Variants in HIVEP3 observed in about 807,000 individuals in gnomAD.
HIVEP3 encodes the protein transcription factor HIVEP3.
In HIVEP3, 49 loss-of-function variants were observed where a neutral mutation model predicts 152.8. The ratio of observed to expected loss-of-function variants is 0.32; its 90% confidence interval spans 0.26 to 0.41. HIVEP3 has a LOEUF of 0.41. Ranked by LOEUF, HIVEP3 falls within the 10% of genes least tolerant of loss-of-function variation. The probability of loss-of-function intolerance (pLI) is 1.00; values close to 1 mark genes in which losing one functional copy is unlikely to be tolerated. For synonymous variants in HIVEP3, 1,269 were observed against 1,289.0 expected (o/e 0.98, Z 0.33); for missense variants, 2,790 against 3,103.3 (o/e 0.90, Z 2.40).
chr1:41,568,791 C>T (rs116172070), intron 5 of HIVEP3, among the ~76,000 whole-genome samples: 48 of 152,312 alleles, frequency 3.2e-4, no homozygotes, highest in African/African-American at 9.9e-4. Flanking sequence ...GTGACTTTGC[C>T]GCTCTCCTTC....
chr1:41,765,743 T>C (rs1369832138), intron 1 of HIVEP3, among the ~76,000 whole-genome samples: 2 of 152,164 alleles, frequency 1.3e-5, no homozygotes, highest in Admixed American at 1.3e-4. Flanking sequence ...TGGCATACAG[T>C]AGGTGCTCAA....
chr1:41,984,533 A>G (rs1645311113), intron 1 of HIVEP3, among the ~76,000 whole-genome samples: 1 of 152,252 alleles, frequency 6.6e-6, no homozygotes, highest in Admixed American at 6.5e-5. Context: ...TGCACATTTC[A>G]GAAAGCAAAG....
At position 41,509,087 on chromosome 1, in the gene HIVEP3, G is replaced by A. The variant is rs1466188901; in HGVS notation, c.*1364C>T. The A allele has an allele frequency of 6.6e-6, 1 of 152,234 alleles. No homozygotes were observed. The highest frequency in any genetic ancestry group is 2.4e-5 in the African/African-American group (1 of 41,452). The allele number at this position is 152,234 out of a possible 1,614,324, so 9.4% of individuals were successfully genotyped here. On this transcript the variant is annotated 3_prime_UTR_variant, in exon 9 of 9. Coordinates refer to ENST00000372583, the MANE Select transcript of HIVEP3 (RefSeq NM_024503.5). ...TGCAGGGCAGCTTCTTGAAAGTAGA[G>A]ATGTGGGTAAGGAAGAGGCACTGGC...
At chr1:41,701,680 C>T (rs1456756694) in intron 1 of HIVEP3, among the ~76,000 whole-genome samples, 1 of 152,204 alleles carries the variant, frequency 6.6e-6, no homozygotes, top group East Asian at 1.9e-4. Context: ...TACCTATTAT[C>T]TTCTCATTGA....
At chr1:41,595,225 A>G (rs35133658) in intron 3 of HIVEP3, among the ~76,000 whole-genome samples, 1 of 152,182 alleles carries the variant, frequency 6.6e-6, no homozygotes. Context: ...GCCTTCTCCC[A>G]GTCCACCCCA....
At chr1:41,632,014 A>G (rs1031944319) in intron 2 of HIVEP3, among the ~76,000 whole-genome samples, 1 of 152,162 alleles carries the variant, frequency 6.6e-6, no homozygotes, top group Non-Finnish European at 1.5e-5. Context: ...CAGGAGGTTC[A>G]GCTAGCTCCC....
intron 1 of HIVEP3, chr1:41,847,773 T>C (rs1404028759): frequency 6.6e-6 from 1 of 152,412 alleles, no homozygotes; most frequent in Non-Finnish European, 1.5e-5. Context: ...CACACAAAGA[T>C]GTCAGTGCCA....
chr1:41,958,473 C>T (rs575111636), intron 1 of HIVEP3, among the ~76,000 whole-genome samples: 36 of 152,312 alleles, frequency 2.4e-4, no homozygotes, highest in Admixed American at 2.1e-3. Context: ...TCCAGCAAGT[C>T]ATAAGGTCAA....
intron 1 of HIVEP3, among the ~76,000 whole-genome samples, chr1:41,872,195 G>A (rs1264106587): frequency 6.6e-6 from 1 of 152,184 alleles, no homozygotes; most frequent in Non-Finnish European, 1.5e-5. Context: ...ATCACAGCAG[G>A]TTCACAAAGA....
intron 1 of HIVEP3, among the ~76,000 whole-genome samples, chr1:41,851,942 T>C (rs1039954825): frequency 1.3e-5 from 2 of 152,202 alleles, no homozygotes; most frequent in African/African-American, 4.8e-5. Context: ...CAAAAAGTCA[T>C]GTAAATCTCT....
intron 1 of HIVEP3, among the ~76,000 whole-genome samples, chr1:41,733,121 T>A (rs915028527): frequency 6.6e-6 from 1 of 151,846 alleles, no homozygotes; most frequent in African/African-American, 2.4e-5. Context: ...TGGTCCCTGA[T>A]AATCCAGGTC....
In HIVEP3 at chr1:41,511,314, C is replaced by T. The variant is rs1213572138; in HGVS notation, c.6406-48G>A. 6.8e-7 allele frequency: 1 copy of T among 1,468,320 alleles called. No individual in the cohort carries two copies. The highest frequency in any genetic ancestry group is 9.2e-7 in the Non-Finnish European group (1 of 1,092,030). The allele number at this position is 1,468,320 out of a possible 1,614,324, so 91.0% of individuals were successfully genotyped here. On this transcript the variant is annotated intron_variant, in intron 8 of 8. Transcript: ENST00000372583. The surrounding 1 kb of genome is among the most constrained non-coding windows in gnomAD (Gnocchi z 4.9). ...GGTAAGGTGAAGGTTACATGCTGGG[C>T]ACATGGGGAGCCGAGGCCTGGAAGT...
intron 1 of HIVEP3, among the ~76,000 whole-genome samples, chr1:41,993,218 C>T (rs1570875942): frequency 6.6e-6 from 1 of 151,470 alleles, no homozygotes. Context: ...AGGCAACCTA[C>T]AAAATGGGAG....
At chr1:41,730,595 C>T (rs1054099388) in intron 1 of HIVEP3, among the ~76,000 whole-genome samples, 13 of 152,270 alleles carry the variant, frequency 8.5e-5, no homozygotes, top group Non-Finnish European at 1.6e-4. Context: ...GCAACTAATG[C>T]ACCAGGGGCG....
chr1:41,867,915 G>C (rs965589037), intron 1 of HIVEP3, among the ~76,000 whole-genome samples: 2 of 151,148 alleles, frequency 1.3e-5, no homozygotes, highest in African/African-American at 4.9e-5. Flanking sequence ...TCCCTGCTTC[G>C]ATCTCTGCCC....
At chr1:41,757,650 G>A (rs546894435) in intron 1 of HIVEP3, among the ~76,000 whole-genome samples, 2 of 151,944 alleles carry the variant, frequency 1.3e-5, no homozygotes, top group South Asian at 4.2e-4. Context: ...GGTTGATTTG[G>A]TTGATTAATT....
Position 41,664,492 on chromosome 1 carries a change from A to C in HIVEP3, c.-720-35545T>G, listed in dbSNP as rs1055524428. ...AACTCAATAGTTCCTGCCTCTACAG[A>C]CTTGCCCATCACCTCACATTGAAGT... On this transcript the variant is annotated intron_variant, in intron 2 of 8. Transcript: ENST00000372583. This position sits in a 1 kb window ranked among gnomAD's most constrained non-coding sequence, Gnocchi z 4.4. 6.6e-6 allele frequency among the ~76,000 whole-genome samples: 1 copy of C among 152,152 alleles called. No individual in the cohort carries two copies. The highest frequency in any genetic ancestry group is 2.4e-5 in the African/African-American group (1 of 41,422).
intron 1 of HIVEP3, among the ~76,000 whole-genome samples, chr1:41,742,118 G>C (rs550523070): frequency 6.6e-6 from 1 of 152,288 alleles, no homozygotes; most frequent in African/African-American, 2.4e-5. Flanking sequence ...AGAAGTTCGA[G>C]GTGGGGCTGG....
At chr1:41,645,661 C>A (rs558887200) in intron 2 of HIVEP3, among the ~76,000 whole-genome samples, 1 of 152,292 alleles carries the variant, frequency 6.6e-6, no homozygotes, top group South Asian at 2.1e-4. Context: ...AGCACCAGGC[C>A]CTGTTTGTCT....
Sources: gnomAD v4.1 joint callset for allele counts (sites outside exome capture counted in the v4.1 genomes callset) on GRCh38, gnomAD v4.1.1 for gene constraint, Gnocchi (gnomAD v3.1) non-coding constraint, MANE v1.5 for transcripts, NCBI Gene and HGNC (gene_info 2026-07-23, HGNC 2026-07-21) for gene names.